NPAS3: variants seen among roughly 807,000 people sequenced by gnomAD.
NPAS3 encodes neuronal PAS domain protein 3.
NPAS3 carries 14 observed loss-of-function variants against 73.1 expected under a neutral mutation model. That is an observed-to-expected ratio of 0.19 (90% CI 0.13 to 0.30). NPAS3 has a LOEUF of 0.30. NPAS3 is among the 10% of genes least tolerant of loss of function. NPAS3 has a pLI of 1.00. For missense variants in NPAS3, 1,096 were observed against 1,250.0 expected (o/e 0.88, Z 1.86); for synonymous variants, 620 against 541.5 (o/e 1.14, Z -2.01).
chr14:33,627,129 T>C (rs1027270801), intron 5 of NPAS3, among the ~76,000 whole-genome samples: 9 of 152,136 alleles, frequency 5.9e-5, no homozygotes, highest in African/African-American at 2.2e-4. Context: ...AAAGTTTCTG[T>C]CAAGTAGCAG....
chr14:33,533,848 A>G (rs1235055301), intron 4 of NPAS3, among the ~76,000 whole-genome samples: 2 of 152,160 alleles, frequency 1.3e-5, no homozygotes, highest in African/African-American at 2.4e-5. Flanking sequence ...ATACATACAC[A>G]TGTATATATA....
At chr14:33,196,863 T>A (rs561707358) in intron 2 of NPAS3, among the ~76,000 whole-genome samples, 1 of 152,334 alleles carries the variant, frequency 6.6e-6, no homozygotes, top group South Asian at 2.1e-4. Flanking sequence ...ACAATTTGTA[T>A]AGATTTGCCA....
chr14:33,794,413 C>T lies in NPAS3; in HGVS notation c.1301+369C>T, dbSNP rs867519637. On this transcript the variant is annotated intron_variant, in intron 10 of 11. Coordinates refer to ENST00000356141, the Ensembl canonical transcript of NPAS3. ...CTTCCCCAGCACACACACACTCACA[C>T]ACTCCAGTTCTTGTGGAAATGAAGT... 3.0e-4 allele frequency among the ~76,000 whole-genome samples: 45 copies of T among 152,312 alleles called. 1 individual carries two copies. Among genetic ancestry groups the T allele is most frequent in the Middle Eastern group, 3.4e-3 (1 of 294 alleles).
At chr14:33,026,899 C>T (rs1392713244) in intron 1 of NPAS3, among the ~76,000 whole-genome samples, 2 of 152,100 alleles carry the variant, frequency 1.3e-5, no homozygotes, top group African/African-American at 4.8e-5. Context: ...CTTTTTTCCC[C>T]CTGTTACATT....
At chr14:33,613,540 G>A (rs2057817331) in intron 5 of NPAS3, among the ~76,000 whole-genome samples, 1 of 151,944 alleles carries the variant, frequency 6.6e-6, no homozygotes, top group Non-Finnish European at 1.5e-5. Context: ...CTCTTCATTG[G>A]TGCTACATTC....
chr14:33,207,614 A>C (rs1315104460), intron 2 of NPAS3, among the ~76,000 whole-genome samples: 1 of 152,196 alleles, frequency 6.6e-6, no homozygotes, highest in Non-Finnish European at 1.5e-5. Flanking sequence ...TTCACACTTA[A>C]TTCTGTGCAT....
intron 2 of NPAS3, among the ~76,000 whole-genome samples, chr14:33,188,464 T>C (rs1025182973): frequency 5.9e-5 from 9 of 152,372 alleles, no homozygotes; most frequent in African/African-American, 1.9e-4. Flanking sequence ...TCTTGAGTGA[T>C]TGCTTTGTGC....
At chr14:33,683,427 C>CAAAAAA (rs1176606241) in intron 6 of NPAS3, among the ~76,000 whole-genome samples, 4,759 of 77,308 alleles carry the variant, frequency 0.062, 362 homozygotes, top group East Asian at 0.27. Context: ...TTCCTCATTT[C>CAAAAAA]AAAAAAAAAA....
chr14:33,015,300 G>C (rs763871663), intron 1 of NPAS3, among the ~76,000 whole-genome samples: 4 of 152,058 alleles, frequency 2.6e-5, no homozygotes, highest in Non-Finnish European at 5.9e-5. Flanking sequence ...CTTGTTGTTA[G>C]GACCAAGAGG....
intron 1 of NPAS3, among the ~76,000 whole-genome samples, chr14:33,006,101 C>T (rs1452952956): frequency 2.0e-5 from 3 of 152,172 alleles, no homozygotes; most frequent in African/African-American, 7.2e-5. Flanking sequence ...ATCTCTGGAG[C>T]CTACTTGTCT....
intron 3 of NPAS3, among the ~76,000 whole-genome samples, chr14:33,326,953 A>G (rs2043736559): frequency 6.6e-6 from 1 of 152,210 alleles, no homozygotes; most frequent in African/African-American, 2.4e-5. Flanking sequence ...GGGACATGGC[A>G]TGGAAATGCC....
intron 1 of NPAS3, among the ~76,000 whole-genome samples, chr14:32,986,057 C>A (rs1414012439): frequency 2.6e-5 from 4 of 152,200 alleles, no homozygotes; most frequent in Non-Finnish European, 5.9e-5. Context: ...TCTGAACTCT[C>A]CGTGCAGGAG....
intron 8 of NPAS3, among the ~76,000 whole-genome samples, chr14:33,777,360 A>T (rs1033819306): frequency 3.9e-5 from 6 of 152,212 alleles, no homozygotes; most frequent in Non-Finnish European, 7.3e-5. Context: ...GGCCAAAAAT[A>T]TTATTTGAAT....
chr14:33,580,320 A>G (rs1012124042), intron 5 of NPAS3, among the ~76,000 whole-genome samples: 2 of 152,276 alleles, frequency 1.3e-5, no homozygotes, highest in African/African-American at 2.4e-5. Context: ...CGTAAAGCTG[A>G]TATCTCTAAT....
chr14:33,040,293 A>G (rs1045474359), intron 1 of NPAS3, among the ~76,000 whole-genome samples: 1 of 152,172 alleles, frequency 6.6e-6, no homozygotes, highest in Non-Finnish European at 1.5e-5. Context: ...AAGTATACTA[A>G]GAAAACAACT....
At chr14:33,666,138 G>GATCT (rs1285718643) in intron 5 of NPAS3, among the ~76,000 whole-genome samples, 8 of 152,262 alleles carry the variant, frequency 5.3e-5, no homozygotes, top group East Asian at 1.9e-4. Context: ...CGCTGGCATG[G>GATCT]ATCTATCTAT....
At chr14:32,997,558 A>C (rs1007703736) in intron 1 of NPAS3, among the ~76,000 whole-genome samples, 3 of 152,084 alleles carry the variant, frequency 2.0e-5, no homozygotes, top group African/African-American at 4.8e-5. Context: ...AATGGGTCTC[A>C]TGAGATCTGA....
intron 2 of NPAS3, among the ~76,000 whole-genome samples, chr14:33,161,370 C>G (rs2044874926): frequency 6.6e-6 from 1 of 152,140 alleles, no homozygotes; most frequent in Non-Finnish European, 1.5e-5. Flanking sequence ...ATGTAGAGAG[C>G]AAGAATCATT....
chr14:33,236,584 A>G (rs1458665956), intron 3 of NPAS3, among the ~76,000 whole-genome samples: 2 of 152,082 alleles, frequency 1.3e-5, no homozygotes, highest in South Asian at 2.1e-4. Flanking sequence ...TTATTAAACT[A>G]AAGAACAACC....
Sources: gnomAD v4.1 joint callset for allele counts (sites outside exome capture counted in the v4.1 genomes callset) on GRCh38, gnomAD v4.1.1 for gene constraint, MANE v1.5 for transcripts, NCBI Gene and HGNC (gene_info 2026-07-23, HGNC 2026-07-21) for gene names.